The following PTPRD variants were observed in gnomAD, a reference collection of about 807,000 sequenced individuals.
PTPRD encodes the protein protein tyrosine phosphatase receptor type D.
PTPRD carries 34 observed loss-of-function variants against 214.5 expected under a neutral mutation model. The ratio of observed to expected loss-of-function variants is 0.16; its 90% CI spans 0.12 to 0.21. The LOEUF (loss-of-function observed/expected upper bound fraction) is 0.21. Among genes scored for constraint, PTPRD ranks in the 10% least tolerant of loss-of-function variants. PTPRD has a pLI of 1.00. For missense variants in PTPRD, 2,545 were observed against 2,398.7 expected, an observed-to-expected ratio of 1.06 and a Z score of -1.27; for synonymous variants, 1,128 against 845.7, an observed-to-expected ratio of 1.33 and a Z score of -5.79.
intron 3 of PTPRD, among the ~76,000 whole-genome samples, chr9:10,185,429 G>C (rs1277457938): frequency 6.6e-6 from 1 of 152,176 alleles, no homozygotes; most frequent in Non-Finnish European, 1.5e-5. Context: ...AGAAAAGGGA[G>C]AAAGAAAATT....
chr9:9,293,736 A>G (rs1343529639), intron 9 of PTPRD, among the ~76,000 whole-genome samples: 2 of 151,632 alleles, frequency 1.3e-5, no homozygotes, highest in African/African-American at 4.8e-5. Context: ...ACATGTTTCT[A>G]TTCATGTCTT....
intron 3 of PTPRD, among the ~76,000 whole-genome samples, chr9:10,137,677 T>A: frequency 1.5e-5 from 1 of 64,808 alleles, no homozygotes; most frequent in African/African-American, 7.0e-5. Flanking sequence ...AATGTGCACA[T>A]GTACCCTAAA....
At chr9:10,456,218 T>C (rs904533060) in intron 2 of PTPRD, among the ~76,000 whole-genome samples, 2 of 151,762 alleles carry the variant, frequency 1.3e-5, no homozygotes, top group African/African-American at 4.8e-5. Context: ...AACAGAAAAA[T>C]ACAACAAATT....
At chr9:8,832,909 C>T (rs752992029) in intron 11 of PTPRD, among the ~76,000 whole-genome samples, 70 of 152,048 alleles carry the variant, frequency 4.6e-4, no homozygotes, top group Non-Finnish European at 7.1e-4. Flanking sequence ...CAAATGCAAC[C>T]TTTCACTTCA....
chr9:10,413,680 G>C (rs2098459438), intron 2 of PTPRD, among the ~76,000 whole-genome samples: 1 of 151,920 alleles, frequency 6.6e-6, no homozygotes, highest in South Asian at 2.1e-4. Context: ...AACAAAGCTG[G>C]AGGCATCACA....
intron 2 of PTPRD, among the ~76,000 whole-genome samples, chr9:10,497,599 T>C (rs1029641293): frequency 4.6e-5 from 7 of 152,028 alleles, no homozygotes; most frequent in Non-Finnish European, 1.0e-4. Flanking sequence ...CTTTAATGTT[T>C]TATGGTGCAA....
At chr9:9,914,744 C>G (rs1186611655) in intron 5 of PTPRD, among the ~76,000 whole-genome samples, 1 of 152,152 alleles carries the variant, frequency 6.6e-6, no homozygotes, top group Non-Finnish European at 1.5e-5. Context: ...CAGACACACT[C>G]CCGGGCCAGC....
intron 2 of PTPRD, among the ~76,000 whole-genome samples, chr9:10,343,114 C>T (rs2096975509): frequency 6.6e-6 from 1 of 152,068 alleles, no homozygotes; most frequent in Admixed American, 6.6e-5. Context: ...TCTCCTAATG[C>T]TATCCCTCCC....
chr9:9,208,344 G>C (rs1241580332), intron 9 of PTPRD, among the ~76,000 whole-genome samples: 1 of 151,820 alleles, frequency 6.6e-6, no homozygotes, highest in East Asian at 2.0e-4. Flanking sequence ...AAAACACCTT[G>C]GAGGACAAAC....
At chr9:9,073,701 T>A (rs956100279) in intron 10 of PTPRD, among the ~76,000 whole-genome samples, 1 of 152,190 alleles carries the variant, frequency 6.6e-6, no homozygotes, top group African/African-American at 2.4e-5. Flanking sequence ...TTTGGACTTG[T>A]CAGCTCCCAC....
intron 10 of PTPRD, among the ~76,000 whole-genome samples, chr9:9,128,576 G>A (rs893502179): frequency 6.6e-6 from 1 of 152,210 alleles, no homozygotes; most frequent in African/African-American, 2.4e-5. Context: ...TTTGGGGGCT[G>A]TAAGTATAAT....
At chr9:9,454,772 G>C (rs1177053171) in intron 8 of PTPRD, among the ~76,000 whole-genome samples, 2 of 151,408 alleles carry the variant, frequency 1.3e-5, no homozygotes, top group Non-Finnish European at 3.0e-5. Flanking sequence ...CCGACTATGT[G>C]TTAGTCTCAA....
At chr9:9,079,522 G>A (rs1397154631) in intron 10 of PTPRD, among the ~76,000 whole-genome samples, 3 of 152,094 alleles carry the variant, frequency 2.0e-5, no homozygotes, top group East Asian at 3.9e-4. Context: ...TCAGTAGGGG[G>A]ATTGCTGGAC....
intron 8 of PTPRD, among the ~76,000 whole-genome samples, chr9:9,531,488 G>T (rs1279888491): frequency 6.6e-6 from 1 of 152,162 alleles, no homozygotes; most frequent in East Asian, 1.9e-4. Context: ...ATGTTCGAAA[G>T]AATTTTGTTG....
intron 11 of PTPRD, among the ~76,000 whole-genome samples, chr9:8,821,405 C>G (rs2097059859): frequency 6.6e-6 from 1 of 152,184 alleles, no homozygotes; most frequent in Non-Finnish European, 1.5e-5. Flanking sequence ...ACGCATCACT[C>G]ACTCCTTCTA....
chr9:10,034,393 A>C (rs993757956), intron 3 of PTPRD, among the ~76,000 whole-genome samples: 3 of 141,710 alleles, frequency 2.1e-5, no homozygotes, highest in African/African-American at 5.2e-5. Context: ...ACTCTGTCTC[A>C]GCTCCTGGCT....
intron 6 of PTPRD, among the ~76,000 whole-genome samples, chr9:9,738,371 TC>T (rs1307356741): frequency 2.6e-5 from 4 of 151,980 alleles, no homozygotes; most frequent in Non-Finnish European, 4.4e-5. Context: ...AACATTTTTT[TC>T]ATATGGTTAT....
At chr9:9,434,070 C>T (rs543138216) in intron 8 of PTPRD, among the ~76,000 whole-genome samples, 2 of 152,110 alleles carry the variant, frequency 1.3e-5, no homozygotes, top group African/African-American at 2.4e-5. Context: ...TGTCAGTCTG[C>T]GGTTTTGCAT....
At chr9:9,751,183 A>T (rs1053834762) in intron 6 of PTPRD, among the ~76,000 whole-genome samples, 5 of 150,208 alleles carry the variant, frequency 3.3e-5, no homozygotes, top group African/African-American at 7.3e-5. Flanking sequence ...ACTTAAAAAA[A>T]ATATTTTTAC....
Sources: gnomAD v4.1 joint callset for allele counts (sites outside exome capture counted in the v4.1 genomes callset) on GRCh38, gnomAD v4.1.1 for gene constraint, MANE v1.5 for transcripts, NCBI Gene and HGNC (gene_info 2026-07-23, HGNC 2026-07-21) for gene names.